The following GALNTL5 variants were observed in gnomAD, a reference collection of about 807,000 sequenced individuals.
GALNTL5 encodes the protein inactive polypeptide N-acetylgalactosaminyltransferase-like protein 5.
Under a neutral mutation model 51.0 loss-of-function variants are expected in GALNTL5, and 44 were observed. That is an observed-to-expected ratio of 0.86 (90% CI 0.68 to 1.11). GALNTL5 has a LOEUF of 1.11. Among genes scored for constraint, GALNTL5 ranks in the 50% least tolerant of loss-of-function variants. GALNTL5 has a pLI of 0.00. For missense variants in GALNTL5, 528 were observed against 531.8 expected (o/e 0.99, Z 0.07); for synonymous variants, 192 against 182.8 (o/e 1.05, Z -0.41).
At chr7:151,998,438 T>C (rs747469900) in intron 5 of GALNTL5, among the ~76,000 whole-genome samples, 28 of 152,204 alleles carry the variant, frequency 1.8e-4, no homozygotes, top group Non-Finnish European at 3.8e-4. Context: ...TAAAAGTTAA[T>C]ATTTTTAGTA....
intron 4 of GALNTL5, among the ~76,000 whole-genome samples, chr7:151,986,438 C>T (rs1279104682): frequency 6.6e-6 from 1 of 152,090 alleles, no homozygotes; most frequent in Non-Finnish European, 1.5e-5. Context: ...AGTGCAAGAC[C>T]AGCCTGGGCA....
At chr7:152,019,555 G>A in intron 8 of GALNTL5, 91 bp from the exon 9 acceptor site, 1 of 1,286,792 alleles carries the variant, frequency 7.8e-7, no homozygotes, top group Non-Finnish European at 1.1e-6. Context: ...TTCACATGAT[G>A]AAAATACATG....
intron 5 of GALNTL5, among the ~76,000 whole-genome samples, chr7:151,998,790 A>G (rs1177453528): frequency 2.0e-5 from 3 of 149,358 alleles, no homozygotes; most frequent in African/African-American, 7.6e-5. Flanking sequence ...AAAACAAAAA[A>G]CAAAACTACT....
chr7:152,000,104 G>GT (rs1433548245), intron 5 of GALNTL5, among the ~76,000 whole-genome samples: 1 of 152,204 alleles, frequency 6.6e-6, no homozygotes, highest in Admixed American at 6.5e-5. Flanking sequence ...ACTAATGTTA[G>GT]TTTTCTGCCG....
intron 3 of GALNTL5, among the ~76,000 whole-genome samples, chr7:151,981,317 G>A (rs777901307): frequency 1.3e-5 from 2 of 152,086 alleles, no homozygotes; most frequent in African/African-American, 4.8e-5. Flanking sequence ...TGCGTGCCAG[G>A]CACTGCTCTA....
At chr7:151,995,575 A>G (rs1391859180) in intron 5 of GALNTL5, among the ~76,000 whole-genome samples, 3 of 151,066 alleles carry the variant, frequency 2.0e-5, no homozygotes, top group Non-Finnish European at 4.4e-5. Context: ...TAGACAAGTC[A>G]CTCTTCTGAG....
chr7:151,963,428 C>G (rs1285506331), intron 1 of GALNTL5, among the ~76,000 whole-genome samples: 2 of 152,226 alleles, frequency 1.3e-5, no homozygotes, highest in Non-Finnish European at 2.9e-5. Context: ...GACGGAGTCT[C>G]ACTGTGTTGC....
At position 152,015,497 on chromosome 7, in the gene GALNTL5, C is replaced by T. The variant is rs542254207; in HGVS notation, c.1176+704C>T. Among the ~76,000 whole-genome samples the T allele has an allele frequency of 9.2e-5, 14 of 151,984 alleles. No individual in the cohort carries two copies. The South Asian group carries it at 2.9e-3, about 32-fold the overall frequency. On this transcript the variant is annotated intron_variant, in intron 8 of 8. Transcript: ENST00000392800. Reference sequence around the variant, plus strand: ...GCCTCAGCCTCTGGAGTAGCTGGGACTACAGGCGCATACCATCAGGCCTGG... The same window carrying T: ...GCCTCAGCCTCTGGAGTAGCTGGGATTACAGGCGCATACCATCAGGCCTGG...
chr7:151,990,363 A>C (rs2081411459), intron 5 of GALNTL5, among the ~76,000 whole-genome samples: 1 of 151,752 alleles, frequency 6.6e-6, no homozygotes, highest in Admixed American at 6.6e-5. Context: ...TAAGTCTTTA[A>C]GTTCACCAGA....
intron 5 of GALNTL5, among the ~76,000 whole-genome samples, chr7:151,991,820 A>C (rs1018868048): frequency 6.6e-6 from 1 of 152,180 alleles, no homozygotes; most frequent in Non-Finnish European, 1.5e-5. Context: ...GTTCCAGGAA[A>C]AACGTGTTGA....
Position 152,007,808 on chromosome 7 carries a change from A to G in GALNTL5, c.909-19A>G. On this transcript the variant is annotated intron_variant, in intron 6 of 8. Transcript: ENST00000392800. ...ACTTTCTCTGTGAAATTAATTTCAT[A>G]TTTATGTCCCCTTTCTAGGTCACCT... 7.8e-7 allele frequency: 1 copy of G among 1,289,856 alleles called. No individual in the cohort carries two copies. Among genetic ancestry groups the G allele is most frequent in the Non-Finnish European group, 1.1e-6 (1 of 887,140 alleles). The allele number at this position is 1,289,856 out of a possible 1,614,324, so 79.9% of individuals were successfully genotyped here.
chr7:152,000,792 A>G (rs2081566513), intron 5 of GALNTL5, among the ~76,000 whole-genome samples: 1 of 151,990 alleles, frequency 6.6e-6, no homozygotes. Flanking sequence ...TGTAAGAATT[A>G]TTTATATATT....
At chr7:152,005,330 A>ATGCCCTTTTCCCCCAGCCACC (rs2081630023) in intron 6 of GALNTL5, among the ~76,000 whole-genome samples, 1 of 152,178 alleles carries the variant, frequency 6.6e-6, no homozygotes, top group African/African-American at 2.4e-5. Context: ...ACCAAGGATC[A>ATGCCCTTTTCCCCCAGCCACC]TGCCCTTTTC....
chr7:151,977,675 G>C (rs7811354), intron 3 of GALNTL5, among the ~76,000 whole-genome samples: 6,828 of 152,118 alleles, frequency 0.045, 487 homozygotes, highest in African/African-American at 0.15. Context: ...CTATTATGTT[G>C]AAATAGCACT....
intron 8 of GALNTL5, among the ~76,000 whole-genome samples, chr7:152,017,236 T>C (rs1023245814): frequency 6.6e-6 from 1 of 152,098 alleles, no homozygotes; most frequent in Non-Finnish European, 1.5e-5. Context: ...GTATGGCCCA[T>C]TGCTCCCAGG....
At chr7:151,979,106 CTTTTTT>C (rs397888897) in intron 3 of GALNTL5, among the ~76,000 whole-genome samples, 1 of 71,162 alleles carries the variant, frequency 1.4e-5, no homozygotes, top group Non-Finnish European at 3.0e-5. Flanking sequence ...TACTTTTACT[CTTTTTT>C]TTTTTTTTTT....
At chr7:151,964,130 G>A (rs571780602) in intron 1 of GALNTL5, among the ~76,000 whole-genome samples, 3 of 152,234 alleles carry the variant, frequency 2.0e-5, no homozygotes, top group African/African-American at 4.8e-5. Flanking sequence ...TGCCCTCACC[G>A]GTCTTTTCTC....
chr7:152,007,783 A>T, intron 6 of GALNTL5, 44 bp from the exon 7 acceptor site: 1 of 1,076,578 alleles, frequency 9.3e-7, no homozygotes. Flanking sequence ...CTACAGAATG[A>T]CTTTCTCTGT....
At chr7:152,003,068 A>T (rs2081602888) in intron 6 of GALNTL5, 105 bp downstream of exon 6, 2 of 955,428 alleles carry the variant, frequency 2.1e-6, no homozygotes, top group Admixed American at 4.7e-5. Context: ...CTTAATCAAA[A>T]TGTTATGTTA....
Sources: gnomAD v4.1 joint callset for allele counts (sites outside exome capture counted in the v4.1 genomes callset) on GRCh38, gnomAD v4.1.1 for gene constraint, MANE v1.5 for transcripts, NCBI Gene and HGNC (gene_info 2026-07-23, HGNC 2026-07-21) for gene names.